Variants in SND1 observed in about 807,000 individuals in gnomAD.
SND1 encodes staphylococcal nuclease domain-containing protein 1.
SND1 carries 38 observed loss-of-function variants against 121.7 expected under a neutral mutation model. The ratio of observed to expected loss-of-function variants is 0.31; its 90% CI spans 0.24 to 0.41. The LOEUF is 0.41. Ranked by LOEUF, SND1 falls within the 10% of genes least tolerant of loss-of-function variation. SND1 has a pLI of 1.00. For missense variants in SND1, 868 were observed against 1,184.6 expected (o/e 0.73, Z 3.92); for synonymous variants, 401 against 447.4 (o/e 0.90, Z 1.31).
chr7:127,875,682 T>G lies in SND1; in HGVS notation c.1344-12220T>G, dbSNP rs148255628. Among the ~76,000 whole-genome samples the G allele has an allele frequency of 3.3e-5, 5 of 152,312 alleles. No individual in the cohort carries two copies. The East Asian group carries it at 9.7e-4, about 29-fold the overall frequency. ...TCTCTTTTTTGGAAGCAATATATAC[T>G]GCCTTTGTATTCTGTATTACTAGGA... On this transcript the variant is annotated intron_variant, in intron 12 of 23. Transcript: ENST00000354725.
intron 11 of SND1, among the ~76,000 whole-genome samples, chr7:127,839,840 G>A (rs1271781109): frequency 6.6e-6 from 1 of 152,076 alleles, no homozygotes; most frequent in African/African-American, 2.4e-5. Flanking sequence ...GGTTGTTTGC[G>A]CTAGAGCTTT....
chr7:128,032,279 C>T (rs1368570685), intron 16 of SND1, among the ~76,000 whole-genome samples: 3 of 151,292 alleles, frequency 2.0e-5, no homozygotes, highest in Admixed American at 6.6e-5. Context: ...TTCCTCTTTC[C>T]TCCTTCCTTC....
intron 9 of SND1, among the ~76,000 whole-genome samples, chr7:127,711,959 G>A (rs1016957192): frequency 5.4e-5 from 8 of 147,344 alleles, no homozygotes; most frequent in Non-Finnish European, 9.0e-5. Flanking sequence ...TTTTTTTTTA[G>A]TTTCATTTTT....
Position 128,084,775 on chromosome 7 carries a change from AC to A in SND1, c.2168del (p.Pro723LeufsTer2). 5.6e-6 allele frequency: 9 copies of A among 1,610,118 alleles called. No homozygotes were observed. Among genetic ancestry groups the A allele is most frequent in the Admixed American group, 1.7e-5 (1 of 59,676 alleles). On this transcript the variant is annotated frameshift_variant, in exon 19 of 24. Transcript: ENST00000354725. LOFTEE classifies it high-confidence loss of function. Reference sequence around the variant, plus strand: ...AACATGCGCAATGACATTGCCAGTCACCCCCCTGTAGAGGGCTCCTATGCCC... The same window carrying A: ...AACATGCGCAATGACATTGCCAGTCACCCCCTGTAGAGGGCTCCTATGCCC... ...MENMRNDIAS[H>X]PPVEGSYAPR...
intron 10 of SND1, among the ~76,000 whole-genome samples, chr7:127,738,630 G>A (rs187383079): frequency 2.0e-5 from 3 of 152,236 alleles, no homozygotes; most frequent in Admixed American, 6.5e-5. Context: ...AAGTCCATTG[G>A]TAGGAGGGGA....
At chr7:127,796,674 T>G (rs778564472) in intron 10 of SND1, among the ~76,000 whole-genome samples, 4 of 152,198 alleles carry the variant, frequency 2.6e-5, no homozygotes, top group Non-Finnish European at 4.4e-5. Flanking sequence ...CTGTAAAACT[T>G]AAGCTAAGTA....
chr7:128,029,426 G>C lies in SND1; in HGVS notation c.1779+38370G>C. On this transcript the variant is annotated intron_variant, in intron 16 of 23. Coordinates refer to ENST00000354725, the MANE Select transcript of SND1 (RefSeq NM_014390.4). The surrounding 1 kb of genome is among the most constrained non-coding windows in gnomAD (Gnocchi z 4.2). ...CGTGGGAAAAGTTCAAGGTGCCGTC[G>C]TTGAGGACAGAGATCCTTGGGTGGC... is the stretch of plus-strand genomic sequence containing the variant. 6.2e-7 allele frequency: 1 copy of C among 1,614,202 alleles called. No individual in the cohort carries two copies. Among genetic ancestry groups the C allele is most frequent in the South Asian group, 1.1e-5 (1 of 91,090 alleles).
intron 10 of SND1, among the ~76,000 whole-genome samples, chr7:127,761,461 AAGG>A (rs1797305058): frequency 6.7e-6 from 1 of 149,734 alleles, no homozygotes; most frequent in African/African-American, 2.4e-5. Flanking sequence ...AGTATCAACC[AAGG>A]GAAGAAAGCT....
intron 11 of SND1, among the ~76,000 whole-genome samples, chr7:127,823,425 C>T (rs1454456069): frequency 2.6e-5 from 4 of 152,112 alleles, no homozygotes; most frequent in Admixed American, 2.0e-4. Flanking sequence ...TTTCTTGACA[C>T]ATTTTTCACA....
intron 9 of SND1, among the ~76,000 whole-genome samples, chr7:127,712,418 C>T (rs1443454358): frequency 1.3e-5 from 2 of 152,144 alleles, no homozygotes; most frequent in Non-Finnish European, 2.9e-5. Context: ...CTTGAGCTCC[C>T]AAAGTTGCAG....
intron 10 of SND1, among the ~76,000 whole-genome samples, chr7:127,761,455 T>C (rs771141734): frequency 8.6e-5 from 13 of 151,020 alleles, no homozygotes; most frequent in Non-Finnish European, 1.5e-4. Flanking sequence ...TGAGAAAGTA[T>C]CAACCAAGGG....
intron 11 of SND1, among the ~76,000 whole-genome samples, chr7:127,837,693 G>C (rs1798892030): frequency 6.6e-6 from 1 of 152,206 alleles, no homozygotes; most frequent in Admixed American, 6.5e-5. Flanking sequence ...GGTGATTGAT[G>C]TGTGTTTTAA....
chr7:127,837,145 G>T (rs959595940), intron 11 of SND1, among the ~76,000 whole-genome samples: 1 of 151,992 alleles, frequency 6.6e-6, no homozygotes, highest in East Asian at 1.9e-4. Flanking sequence ...TAAAACATAC[G>T]TTCACAGGGA....
At chr7:128,065,139 G>A (rs1163171321) in intron 16 of SND1, among the ~76,000 whole-genome samples, 1 of 152,236 alleles carries the variant, frequency 6.6e-6, no homozygotes. Flanking sequence ...AAAGGAAATC[G>A]GGAAGGTGAT....
chr7:127,982,101 G>A (rs76868010), intron 15 of SND1, among the ~76,000 whole-genome samples: 3,616 of 152,240 alleles, frequency 0.024, 78 homozygotes, highest in Non-Finnish European at 0.037. Flanking sequence ...CCATTAACAG[G>A]CGAACAACTA....
intron 3 of SND1, among the ~76,000 whole-genome samples, chr7:127,697,721 C>T (rs922357428): frequency 2.0e-5 from 3 of 152,136 alleles, no homozygotes; most frequent in African/African-American, 4.8e-5. Context: ...GGAAAAGAGG[C>T]TTAAGATTTG....
At chr7:127,842,276 C>T (rs1006568819) in intron 11 of SND1, among the ~76,000 whole-genome samples, 3 of 152,150 alleles carry the variant, frequency 2.0e-5, no homozygotes, top group African/African-American at 2.4e-5. Context: ...TCCCCATGCA[C>T]CTCTTCAGTG....
At chr7:127,946,845 C>T (rs1392467743) in intron 15 of SND1, among the ~76,000 whole-genome samples, 1 of 152,164 alleles carries the variant, frequency 6.6e-6, no homozygotes, top group Non-Finnish European at 1.5e-5. Context: ...AATACAAGTA[C>T]AAAGATCTTC....
intron 16 of SND1, among the ~76,000 whole-genome samples, chr7:127,991,313 G>A (rs1162460217): frequency 6.6e-6 from 1 of 152,252 alleles, no homozygotes; most frequent in African/African-American, 2.4e-5. Flanking sequence ...TCCTGATGCA[G>A]AGAGCTTACA....
Sources: allele counts gnomAD v4.1 joint callset (sites outside exome capture counted in the v4.1 genomes callset), GRCh38; gene constraint gnomAD v4.1.1; non-coding constraint Gnocchi (gnomAD v3.1); transcripts MANE v1.5; gene names NCBI Gene and HGNC (gene_info 2026-07-23, HGNC 2026-07-21).